Variants in SPRR2G observed in about 807,000 individuals in gnomAD.
The protein encoded by SPRR2G is small proline rich protein 2G.
Under a neutral mutation model 0.7 loss-of-function variants are expected in SPRR2G, and 1 was observed. The observed-to-expected ratio is 1.49, with a 90% CI of 0.53 to 7.06. The LOEUF is 7.06. Ranked by LOEUF, SPRR2G falls within the 30% of genes most tolerant of loss-of-function variation. The probability of loss-of-function intolerance (pLI) is 0.14; values close to 1 mark genes in which losing one functional copy is unlikely to be tolerated. For synonymous variants in SPRR2G, 38 were observed against 33.9 expected (o/e 1.12, Z -0.42); for missense variants, 96 against 88.5 (o/e 1.09, Z -0.34).
At chr1:153,165,195 T>C in the SPRR2G span, among the ~76,000 whole-genome samples, 1 of 152,004 alleles carries the variant, frequency 6.6e-6, no homozygotes, top group Non-Finnish European at 1.5e-5. Flanking sequence ...GATGGATGGA[T>C]GGATGGACGG....
At chr1:153,189,611 C>T in the SPRR2G span, among the ~76,000 whole-genome samples, 1 of 152,076 alleles carries the variant, frequency 6.6e-6, no homozygotes, top group Admixed American at 6.6e-5. Context: ...TGTGGCTACT[C>T]AAGTTGGGTT....
At chr1:153,161,553 G>GC in the SPRR2G span, among the ~76,000 whole-genome samples, 493 of 151,890 alleles carry the variant, frequency 3.2e-3, 4 homozygotes, top group African/African-American at 0.011. Flanking sequence ...TCTTTCATTT[G>GC]CTGTCAAGAG....
At chr1:153,197,234 G>T in the SPRR2G span, among the ~76,000 whole-genome samples, 1 of 151,766 alleles carries the variant, frequency 6.6e-6, no homozygotes, top group African/African-American at 2.4e-5. Context: ...CTGCAGGGAA[G>T]GGGAGATGGA....
the SPRR2G span, among the ~76,000 whole-genome samples, chr1:153,201,156 G>C: frequency 6.6e-6 from 1 of 152,170 alleles, no homozygotes; most frequent in African/African-American, 2.4e-5. Context: ...CTCAGTAGTA[G>C]TTCCTTCCAG....
At chr1:153,172,355 G>A in the SPRR2G span, among the ~76,000 whole-genome samples, 5 of 152,036 alleles carry the variant, frequency 3.3e-5, no homozygotes, top group African/African-American at 4.8e-5. Context: ...GGTCTCATGC[G>A]GTTGACTTTT....
the SPRR2G span, among the ~76,000 whole-genome samples, chr1:153,193,359 C>T: frequency 6.6e-6 from 1 of 152,230 alleles, no homozygotes; most frequent in Admixed American, 6.5e-5. Flanking sequence ...TCAGTGACCA[C>T]ACTCACTCTT....
chr1:153,158,451 G>A, the SPRR2G span, among the ~76,000 whole-genome samples: 1 of 152,250 alleles, frequency 6.6e-6, no homozygotes, highest in Non-Finnish European at 1.5e-5. Flanking sequence ...TGATGCAAGG[G>A]GTAAGTTTCC....
chr1:153,190,947 GT>G, the SPRR2G span: 9 of 152,148 alleles, frequency 5.9e-5, no homozygotes, highest in Non-Finnish European at 1.0e-4. Context: ...TGCTGGAGAT[GT>G]AAAAAAGTCA....
chr1:153,175,914 A>G, the SPRR2G span, among the ~76,000 whole-genome samples: 1 of 152,060 alleles, frequency 6.6e-6, no homozygotes, highest in Admixed American at 6.6e-5. Context: ...AAAATTAGCC[A>G]GATGTGGTGG....
chr1:153,196,098 A>C, the SPRR2G span, among the ~76,000 whole-genome samples: 2 of 152,244 alleles, frequency 1.3e-5, no homozygotes, highest in Non-Finnish European at 2.9e-5. Context: ...TCCTCTTAAC[A>C]AATTGTAAGT....
chr1:153,195,556 T>C, the SPRR2G span, among the ~76,000 whole-genome samples: 1 of 152,168 alleles, frequency 6.6e-6, no homozygotes, highest in African/African-American at 2.4e-5. Flanking sequence ...TCTGTACCCC[T>C]GGGTTCCACC....
the SPRR2G span, among the ~76,000 whole-genome samples, chr1:153,185,576 T>G: frequency 6.6e-6 from 1 of 152,188 alleles, no homozygotes; most frequent in African/African-American, 2.4e-5. Context: ...CCTTTATCAT[T>G]TTTTATTGTG....
the SPRR2G span, among the ~76,000 whole-genome samples, chr1:153,184,579 C>T: frequency 6.6e-6 from 1 of 152,126 alleles, no homozygotes; most frequent in African/African-American, 2.4e-5. Context: ...GCTGTATTTG[C>T]TTATCAGCTT....
At chr1:153,156,001 C>G in the SPRR2G span, among the ~76,000 whole-genome samples, 1 of 152,166 alleles carries the variant, frequency 6.6e-6, no homozygotes, top group East Asian at 1.9e-4. Flanking sequence ...CTTGAGCTTG[C>G]GAGCACTTTG....
the SPRR2G span, among the ~76,000 whole-genome samples, chr1:153,160,364 G>A: frequency 6.6e-6 from 1 of 152,164 alleles, no homozygotes; most frequent in African/African-American, 2.4e-5. Flanking sequence ...ATGCTGCAAT[G>A]AACATGAGAA....
chr1:153,149,998 G>A lies in SPRR2G; in HGVS notation c.113C>T (p.Pro38Leu). 1.2e-6 allele frequency: 2 copies of A among 1,613,994 alleles called. No homozygotes were observed. Among genetic ancestry groups the A allele is most frequent in the Non-Finnish European group, 1.7e-6 (2 of 1,179,994 alleles). The stretch of plus-strand genomic sequence containing the variant: ...GCAATGCTCAGGTGGACAAGGAGGA[G>A]GCAGGTAAGGCTCAGGGCACTTCGG... ...PPPKCPEPYL[P>L]PPCPPEHCPP... Residue 38 changes from proline to leucine, a missense_variant, in exon 2 of 2, where the codon CCT becomes CTT. Pro to Leu is a moderately conservative substitution (Grantham distance 98). Transcript: ENST00000368748.
At chr1:153,196,091 TC>T in the SPRR2G span, among the ~76,000 whole-genome samples, 1 of 152,238 alleles carries the variant, frequency 6.6e-6, no homozygotes, top group African/African-American at 2.4e-5. Context: ...AGCTCTATCC[TC>T]TTAACAAATT....
chr1:153,193,447 C>T, the SPRR2G span, among the ~76,000 whole-genome samples: 9 of 152,232 alleles, frequency 5.9e-5, no homozygotes, highest in African/African-American at 1.9e-4. Context: ...TGCATGCACA[C>T]ACACTCACAC....
chr1:153,166,156 G>A, the SPRR2G span, among the ~76,000 whole-genome samples: 2 of 152,106 alleles, frequency 1.3e-5, no homozygotes, highest in Non-Finnish European at 2.9e-5. Context: ...CCTATATACT[G>A]GGTGGGTTGA....
Sources: allele counts gnomAD v4.1 joint callset (sites outside exome capture counted in the v4.1 genomes callset), GRCh38; gene constraint gnomAD v4.1.1; transcripts MANE v1.5; gene names NCBI Gene and HGNC (gene_info 2026-07-23, HGNC 2026-07-21).